The following TOMM70 variants were observed in gnomAD, a reference collection of about 807,000 sequenced individuals.
TOMM70 encodes the protein mitochondrial import receptor subunit TOM70.
A neutral mutation model predicts 73.6 loss-of-function variants in TOMM70; 13 were observed. That is an observed-to-expected ratio of 0.18 (90% CI 0.11 to 0.28). The LOEUF (loss-of-function observed/expected upper bound fraction) is 0.28. TOMM70 is among the 10% of genes least tolerant of loss of function. The pLI, the probability that TOMM70 is intolerant of heterozygous loss-of-function variation, is 1.00. For missense variants in TOMM70, 609 were observed against 747.5 expected (o/e 0.81, Z 2.16); for synonymous variants, 257 against 271.2 (o/e 0.95, Z 0.51).
intron 5 of TOMM70, among the ~76,000 whole-genome samples, 193 bp downstream of exon 5, chr3:100,381,422 T>A (rs1198011862): frequency 6.6e-6 from 1 of 152,120 alleles, no homozygotes; most frequent in Non-Finnish European, 1.5e-5. Context: ...ACCAGAGAAG[T>A]AACAGATACA....
chr3:100,371,027 G>A (rs1706503785), intron 9 of TOMM70, among the ~76,000 whole-genome samples: 1 of 152,092 alleles, frequency 6.6e-6, no homozygotes, highest in Non-Finnish European at 1.5e-5. Flanking sequence ...ATAAACTCAA[G>A]TGTACCCATT....
Position 100,365,120 on chromosome 3 carries a change from T to A in TOMM70, c.*444A>T, listed in dbSNP as rs1322902736. 1 of 153,214 alleles carries A rather than the reference T, an allele frequency of 6.5e-6. No homozygotes were observed. The highest frequency in any genetic ancestry group is 1.5e-5 in the Non-Finnish European group (1 of 68,736). 9.5% of individuals were successfully genotyped at this position (153,214 alleles called of 1,614,324 possible). On this transcript the variant is annotated 3_prime_UTR_variant, in exon 12 of 12. Coordinates refer to ENST00000284320, the MANE Select transcript of TOMM70 (RefSeq NM_014820.5). ...CTTTCAAAAAATCAACTGAAAGCGG[T>A]TAACTGAATATAAATCTATTTTACA... is the stretch of plus-strand genomic sequence containing the variant.
intron 9 of TOMM70, among the ~76,000 whole-genome samples, chr3:100,370,357 G>A (rs1436624604): frequency 6.6e-6 from 1 of 152,004 alleles, no homozygotes; most frequent in East Asian, 1.9e-4. Context: ...ACTTTTAATG[G>A]CTGCATAATA....
At position 100,368,105 on chromosome 3, in the gene TOMM70, T is replaced by C. The variant is rs1559829611; in HGVS notation, c.1612A>G (p.Ile538Val). The change falls in exon 11 of 12, where the codon ATT (isoleucine) becomes GTT (valine). Residue 538 changes from isoleucine (I) to valine (V), a missense_variant. Around this residue, in one of 2 missense-constraint regions of TOMM70, gnomAD observed 432 missense variants for 584.1 expected, o/e 0.74. Transcript: ENST00000284320. ...DRGLELISKA[I>V]EIDNKCDFAY... is the part of the protein sequence containing the mutation. ...AAATCACATTTATTGTCAATTTCAA[T>C]AGCCTTGCTGATAAGTTCCAAACCT... 1.2e-6 allele frequency: 2 copies of C among 1,614,020 alleles called. No individual in the cohort carries two copies. The highest frequency in any genetic ancestry group is 1.7e-6 in the Non-Finnish European group (2 of 1,179,950).
chr3:100,384,088 T>G, intron 4 of TOMM70, among the ~76,000 whole-genome samples: 1 of 152,230 alleles, frequency 6.6e-6, no homozygotes, highest in Non-Finnish European at 1.5e-5. Flanking sequence ...AAAGGCCAGA[T>G]AGTAAATATT....
At chr3:100,394,505 ACTTT>A (rs150984378) in intron 1 of TOMM70, among the ~76,000 whole-genome samples, 26,961 of 151,728 alleles carry the variant, frequency 0.18, 2,776 homozygotes, top group Non-Finnish European at 0.24. Context: ...TTACTTACTT[ACTTT>A]CTTTCTTTTT....
chr3:100,390,373 A>G (rs1301703112), intron 1 of TOMM70, among the ~76,000 whole-genome samples: 1 of 152,342 alleles, frequency 6.6e-6, no homozygotes, highest in East Asian at 1.9e-4. Flanking sequence ...TGTTTTAGTC[A>G]ATAACAGACT....
rs1706894630 is a variant in TOMM70, at chr3:100,400,942, G to T, written c.8C>A (p.Ala3Asp). 2.6e-6 allele frequency: 4 copies of T among 1,530,396 alleles called. No individual in the cohort carries two copies. Among genetic ancestry groups the T allele is most frequent in the Non-Finnish European group, 3.5e-6 (4 of 1,145,070 alleles). 94.8% of individuals were successfully genotyped at this position (1,530,396 alleles called of 1,614,324 possible). Residue 3 changes from alanine to aspartate, a missense_variant, in exon 1 of 12, where the codon GCC becomes GAC. Physicochemically the swap from Ala to Asp is moderately radical, Grantham distance 126. Around this residue, in one of 2 missense-constraint regions of TOMM70, gnomAD observed 177 missense variants for 163.5 expected, o/e 1.08. Coordinates refer to ENST00000284320, the MANE Select transcript of TOMM70 (RefSeq NM_014820.5). Reference protein sequence around the residue: MAASKPVEAAVVA... With the variant: MADSKPVEAAVVA... Reference sequence around the variant, plus strand: ...CACCGCTGCCTCCACAGGTTTAGAGGCGGCCATGACAAGTGTCCTCTGCCA... The same window carrying T: ...CACCGCTGCCTCCACAGGTTTAGAGTCGGCCATGACAAGTGTCCTCTGCCA...
chr3:100,375,204 T>C, intron 6 of TOMM70, 52 bp from the exon 7 acceptor site: 1 of 1,480,076 alleles, frequency 6.8e-7, no homozygotes. Context: ...TTCCCTCCAA[T>C]CTAGTTTCTT....
intron 1 of TOMM70, among the ~76,000 whole-genome samples, chr3:100,398,474 A>G (rs1284385760): frequency 6.6e-6 from 1 of 150,804 alleles, no homozygotes; most frequent in Non-Finnish European, 1.5e-5. Flanking sequence ...TGGATCTTTT[A>G]TTTTACCTAC....
chr3:100,392,257 C>A (rs1040541971), intron 1 of TOMM70, among the ~76,000 whole-genome samples: 8 of 152,064 alleles, frequency 5.3e-5, no homozygotes, highest in African/African-American at 1.7e-4. Flanking sequence ...ATTTTTGAGC[C>A]AACAAGCAGA....
chr3:100,367,961 G>A (rs903661089), intron 11 of TOMM70, 83 bp downstream of exon 11: 68 of 1,385,872 alleles, frequency 4.9e-5, no homozygotes, highest in Non-Finnish European at 6.4e-5. Context: ...GAACATAACA[G>A]ACTTTAACAT....
chr3:100,389,276 G>C (rs1706732476), intron 1 of TOMM70, among the ~76,000 whole-genome samples: 1 of 152,146 alleles, frequency 6.6e-6, no homozygotes, highest in Non-Finnish European at 1.5e-5. Context: ...ATTTGAGGTT[G>C]AACACAAGAA....
chr3:100,369,602 G>A lies in TOMM70; in HGVS notation c.1453-467C>T, dbSNP rs112493069. Among the ~76,000 whole-genome samples, 936 of 151,522 alleles carry A rather than the reference G, an allele frequency of 6.2e-3. 8 individuals carry two copies. Among genetic ancestry groups the A allele is most frequent in the African/African-American group, 0.021 (874 of 41,260 alleles). ...TGCAACCTCCGCCTCTTGGGTTCAAGTGATCCCCCTGCCTCAGCCTCCTGA... is the reference window on the plus strand; with the variant it reads ...TGCAACCTCCGCCTCTTGGGTTCAAATGATCCCCCTGCCTCAGCCTCCTGA... On this transcript the variant is annotated intron_variant, in intron 9 of 11. Coordinates refer to ENST00000284320, the MANE Select transcript of TOMM70 (RefSeq NM_014820.5).
chr3:100,369,270 T>A, intron 9 of TOMM70, 135 bp from the exon 10 acceptor site: 2 of 649,500 alleles, frequency 3.1e-6, no homozygotes, highest in Non-Finnish European at 5.3e-6. Context: ...ACAGACTGAT[T>A]TACATTTTAC....
In TOMM70 at chr3:100,375,002, A is replaced by G; in HGVS notation, c.1227+16T>C. 1 of 1,570,084 alleles carries G rather than the reference A, an allele frequency of 6.4e-7. No homozygotes were observed. The highest frequency in any genetic ancestry group is 1.4e-5 in the African/African-American group (1 of 73,078). ...CAATCCACAAGTCAGACCTCTAGGT[A>G]AGAAAACAGACTTACCTGTCCTCGG... On this transcript the variant is annotated intron_variant, in intron 7 of 11. Transcript: ENST00000284320.
chr3:100,388,328 T>G (rs1251834984), intron 1 of TOMM70, among the ~76,000 whole-genome samples: 2 of 152,098 alleles, frequency 1.3e-5, no homozygotes, highest in African/African-American at 4.8e-5. Flanking sequence ...AAACTTGCAT[T>G]TGAGACAACC....
chr3:100,387,704 T>C (rs1706709818), intron 1 of TOMM70, among the ~76,000 whole-genome samples: 1 of 151,662 alleles, frequency 6.6e-6, no homozygotes, highest in Non-Finnish European at 1.5e-5. Flanking sequence ...GGCACAATCT[T>C]GGCTTGCTGC....
intron 4 of TOMM70, 36 bp from the exon 5 acceptor site, chr3:100,381,799 GA>G: frequency 6.5e-7 from 1 of 1,545,026 alleles, no homozygotes. Context: ...ATCAGGATGG[GA>G]AATACCAACC....
Sources: gnomAD v4.1 joint callset for allele counts (sites outside exome capture counted in the v4.1 genomes callset) on GRCh38, gnomAD v4.1.1 for gene constraint, gnomAD v4.1.1 regional missense constraint, MANE v1.5 for transcripts, NCBI Gene and HGNC (gene_info 2026-07-23, HGNC 2026-07-21) for gene names.